Variants in RSRC1 observed in about 807,000 individuals in gnomAD.
RSRC1 encodes the protein arginine and serine rich coiled-coil 1.
Under a neutral mutation model 49.1 loss-of-function variants are expected in RSRC1, and 39 were observed. The observed-to-expected ratio is 0.79, with a 90% CI of 0.61 to 1.04. The LOEUF (loss-of-function observed/expected upper bound fraction) is 1.04. Among genes scored for constraint, RSRC1 ranks in the 50% least tolerant of loss-of-function variants. The pLI is 0.00. For synonymous variants in RSRC1, 143 were observed against 130.8 expected (o/e 1.09, Z -0.63); for missense variants, 388 against 402.4 (o/e 0.96, Z 0.31).
chr3:158,408,747 C>G (rs1354686244), intron 6 of RSRC1, among the ~76,000 whole-genome samples: 1 of 151,974 alleles, frequency 6.6e-6, no homozygotes, highest in Non-Finnish European at 1.5e-5. Flanking sequence ...TAAGTGGGAG[C>G]CAGGCCAGGC....
intron 8 of RSRC1, among the ~76,000 whole-genome samples, chr3:158,540,896 G>C (rs1267615252): frequency 6.6e-6 from 1 of 152,150 alleles, no homozygotes; most frequent in African/African-American, 2.4e-5. Flanking sequence ...ATTGTTTTCA[G>C]GAATGTAACA....
chr3:158,480,573 C>T (rs1020737827), intron 7 of RSRC1, among the ~76,000 whole-genome samples: 3 of 151,878 alleles, frequency 2.0e-5, no homozygotes, highest in African/African-American at 7.3e-5. Context: ...CATCATGGCC[C>T]GCATATCAGT....
intron 6 of RSRC1, among the ~76,000 whole-genome samples, chr3:158,357,363 T>C (rs1398263854): frequency 6.6e-6 from 1 of 152,222 alleles, no homozygotes; most frequent in Non-Finnish European, 1.5e-5. Flanking sequence ...ACATTTTTGC[T>C]GTATTGTTTT....
intron 6 of RSRC1, among the ~76,000 whole-genome samples, chr3:158,441,230 C>T (rs533033196): frequency 6.6e-6 from 1 of 151,962 alleles, no homozygotes; most frequent in Non-Finnish European, 1.5e-5. Flanking sequence ...GACTTCTTGG[C>T]AGTATTCATT....
intron 7 of RSRC1, among the ~76,000 whole-genome samples, chr3:158,514,087 T>G (rs2108478431): frequency 6.6e-6 from 1 of 152,370 alleles, no homozygotes; most frequent in East Asian, 1.9e-4. Context: ...TCATTAATTT[T>G]TTGAAGGGTT....
At chr3:158,135,675 G>T (rs533127360) in intron 3 of RSRC1, among the ~76,000 whole-genome samples, 1 of 151,780 alleles carries the variant, frequency 6.6e-6, no homozygotes, top group East Asian at 1.9e-4. Flanking sequence ...ATGCAAATCT[G>T]ATAGGACCTC....
chr3:158,163,271 G>T (rs1000434029), intron 3 of RSRC1, among the ~76,000 whole-genome samples: 7 of 152,026 alleles, frequency 4.6e-5, no homozygotes, highest in Non-Finnish European at 1.0e-4. Flanking sequence ...CTCCCAAAAT[G>T]CTGGCATTAC....
At chr3:158,527,414 T>C (rs1055320623) in intron 7 of RSRC1, among the ~76,000 whole-genome samples, 17 of 151,908 alleles carry the variant, frequency 1.1e-4, no homozygotes, top group African/African-American at 3.9e-4. Context: ...TAATCAATGC[T>C]TTTTGGTGAA....
chr3:158,259,427 A>G (rs1022419943), intron 4 of RSRC1, among the ~76,000 whole-genome samples: 1 of 149,806 alleles, frequency 6.7e-6, no homozygotes, highest in South Asian at 2.1e-4. Context: ...CTTTTCCCCA[A>G]ACAGAGTGTC....
chr3:158,310,801 A>G (rs1220961563), intron 5 of RSRC1, among the ~76,000 whole-genome samples: 2 of 151,826 alleles, frequency 1.3e-5, no homozygotes, highest in Non-Finnish European at 3.0e-5. Context: ...AATTGCTAAA[A>G]TGTCTCATAA....
intron 6 of RSRC1, among the ~76,000 whole-genome samples, chr3:158,393,602 A>C (rs1733447421): frequency 6.6e-6 from 1 of 152,052 alleles, no homozygotes. Context: ...AAACCTCCAA[A>C]GATTGAATCA....
chr3:158,215,883 C>T lies in RSRC1; in HGVS notation c.494+12638C>T, dbSNP rs117195297. On this transcript the variant is annotated intron_variant, in intron 4 of 9. Coordinates refer to ENST00000611884, the MANE Select transcript of RSRC1 (RefSeq NM_001271838.2). ...TTTTACTTTTACTCAGATATTTTAC[C>T]ATTCTCTTGTGTTGTAGGGTTAATT... 8.1e-4 allele frequency among the ~76,000 whole-genome samples: 123 copies of T among 151,734 alleles called. No individual in the cohort carries two copies. The East Asian group carries it at 0.022, about 28-fold the overall frequency.
Position 158,317,334 on chromosome 3 carries a change from T to G in RSRC1, c.531+19259T>G, listed in dbSNP as rs144278267. 2.5e-3 allele frequency among the ~76,000 whole-genome samples: 383 copies of G among 152,268 alleles called. 1 individual carries two copies. Among genetic ancestry groups the G allele is most frequent in the Non-Finnish European group, 4.7e-3 (320 of 68,020 alleles). ...AACTCTGCCTTGTGGGCTCAAGCGATCCTCCTACCTCAGCCTCCTGAGTAG... is the reference window on the plus strand; with the variant it reads ...AACTCTGCCTTGTGGGCTCAAGCGAGCCTCCTACCTCAGCCTCCTGAGTAG... On this transcript the variant is annotated intron_variant, in intron 5 of 9. Transcript: ENST00000611884.
intron 6 of RSRC1, among the ~76,000 whole-genome samples, chr3:158,386,636 G>A (rs1392407700): frequency 1.3e-5 from 2 of 151,964 alleles, no homozygotes; most frequent in African/African-American, 4.8e-5. Context: ...GGGGGAAAAG[G>A]CAGTTTAAAA....
intron 3 of RSRC1, among the ~76,000 whole-genome samples, chr3:158,185,848 A>G (rs1719896249): frequency 1.3e-5 from 2 of 151,996 alleles, no homozygotes; most frequent in Non-Finnish European, 1.5e-5. Context: ...AGTTAGCCCA[A>G]TGTAATTGGA....
chr3:158,124,096 G>A, intron 3 of RSRC1, 105 bp downstream of exon 3: 1 of 811,096 alleles, frequency 1.2e-6, no homozygotes, highest in East Asian at 3.5e-5. Flanking sequence ...TTTTGATTGA[G>A]CTTAGCTGGC....
At chr3:158,230,587 G>A (rs947677362) in intron 4 of RSRC1, among the ~76,000 whole-genome samples, 1 of 152,018 alleles carries the variant, frequency 6.6e-6, no homozygotes, top group African/African-American at 2.4e-5. Context: ...AGCAATTTTA[G>A]GAAGTTTATT....
At chr3:158,503,945 C>T (rs980965933) in intron 7 of RSRC1, among the ~76,000 whole-genome samples, 2 of 152,156 alleles carry the variant, frequency 1.3e-5, no homozygotes, top group African/African-American at 4.8e-5. Flanking sequence ...ATTTCCTTCT[C>T]CCTGTGGTGT....
chr3:158,257,198 T>C, intron 4 of RSRC1, among the ~76,000 whole-genome samples: 1 of 152,184 alleles, frequency 6.6e-6, no homozygotes, highest in East Asian at 1.9e-4. Flanking sequence ...CTGCTTTCTC[T>C]TGTGGGCATT....
Sources: allele counts gnomAD v4.1 joint callset (sites outside exome capture counted in the v4.1 genomes callset), GRCh38; gene constraint gnomAD v4.1.1; transcripts MANE v1.5; gene names NCBI Gene and HGNC (gene_info 2026-07-23, HGNC 2026-07-21).